The following DNAH10 variants were observed in gnomAD, a reference collection of about 807,000 sequenced individuals.
The protein encoded by DNAH10 is dynein axonemal heavy chain 10, also known as axonemal beta dynein heavy chain 10.
Under a neutral mutation model 506.6 loss-of-function variants are expected in DNAH10, and 348 were observed. The observed-to-expected ratio is 0.69, with a 90% CI of 0.63 to 0.75. The LOEUF is 0.75. Ranked by LOEUF, DNAH10 falls within the 30% of genes least tolerant of loss-of-function variation. The pLI is 0.00. For synonymous variants in DNAH10, 2,059 were observed against 2,198.6 expected (o/e 0.94, Z 1.78); for missense variants, 5,179 against 5,787.1 (o/e 0.89, Z 3.41).
rs142140309 is a variant in DNAH10 at position 123,765,564 on chromosome 12, TTATCTATCTATC to T, written c.215-2018_215-2007del. On this transcript the variant is annotated intron_variant, in intron 1 of 78. Coordinates refer to ENST00000673944, the MANE Select transcript of DNAH10 (RefSeq NM_001372106.1). ...ACCTTCCTATGCATCTATCTATACTTTATCTATCTATCTATCTATCTATCTATCTATCTATAC... is the reference window on the plus strand; with the variant it reads ...ACCTTCCTATGCATCTATCTATACTTTATCTATCTATCTATCTATCTATAC... 6.6e-3 allele frequency among the ~76,000 whole-genome samples: 987 copies of T among 149,404 alleles called. 11 individuals are homozygous for T. The highest frequency in any genetic ancestry group is 0.022 in the African/African-American group (882 of 40,336).
intron 53 of DNAH10, among the ~76,000 whole-genome samples, chr12:123,894,235 C>T (rs1191652647): frequency 1.3e-5 from 2 of 151,378 alleles, no homozygotes; most frequent in East Asian, 1.9e-4. Flanking sequence ...GGACTATAGG[C>T]GCACACCACC....
chr12:123,854,069 G>GTTTTTT (rs10648649), intron 36 of DNAH10, among the ~76,000 whole-genome samples: 6 of 117,034 alleles, frequency 5.1e-5, no homozygotes, highest in Non-Finnish European at 6.8e-5. Context: ...ACACATTTGG[G>GTTTTTT]TTTTTTTTTT....
In DNAH10 at chr12:123,930,514, TC is replaced by T. The variant is rs757393446; in HGVS notation, c.12727del (p.Arg4243GlyfsTer83). 4 of 1,610,110 alleles carry T rather than the reference TC, an allele frequency of 2.5e-6. No homozygotes were observed. In the African/African-American group the frequency reaches 5.4e-5, roughly 22 times the overall value. On this transcript the variant is annotated frameshift_variant, in exon 73 of 79. Transcript: ENST00000673944. LOFTEE classifies it high-confidence loss of function. Reference protein sequence around the residue: ...IFDTFQPFHFFRNKEVDYKIP... With the variant: ...IFDTFQPFHFXRNKEVDYKIP... ...GATACTTTCCAGCCATTCCACTTCTTCCGGAACAAGGAAGTGGACTACAAAA... is the reference window on the plus strand; with the variant it reads ...GATACTTTCCAGCCATTCCACTTCTTCGGAACAAGGAAGTGGACTACAAAA...
Position 123,935,359 on chromosome 12 carries a change from A to C in DNAH10, c.13648A>C (p.Thr4550Pro). The change falls in exon 79 of 79, where the codon ACC becomes CCC. Residue 4550 changes from threonine to proline, a missense_variant. Thr to Pro is a conservative substitution (Grantham distance 38, BLOSUM62 -1). Coordinates refer to ENST00000673944, the MANE Select transcript of DNAH10 (RefSeq NM_001372106.1). Reference protein sequence around the residue: ...LQNTFRTPVYTTSMRRNAMGV... With the variant: ...LQNTFRTPVYPTSMRRNAMGV... ...GAATACTTTCCGGACCCCCGTCTAC[A>C]CCACCTCCATGAGAAGGAACGCCAT... 4 of 1,609,008 alleles carry C rather than the reference A, an allele frequency of 2.5e-6. No homozygotes were observed. The highest frequency in any genetic ancestry group is 3.4e-6 in the Non-Finnish European group (4 of 1,175,682).
In DNAH10 at chr12:123,915,016, C is replaced by T; in HGVS notation, c.10722+17C>T. ...AATCTGCGGGTATGGTGGCTCCTCC[C>T]AGGGCGTCTTCTGCCCCCTATTCCT... On this transcript the variant is annotated intron_variant, in intron 62 of 78. Transcript: ENST00000673944. 6.3e-7 allele frequency: 1 copy of T among 1,593,382 alleles called. No individual in the cohort carries two copies. Among genetic ancestry groups the T allele is most frequent in the Non-Finnish European group, 8.5e-7 (1 of 1,170,212 alleles).
At chr12:123,805,483 G>A (rs1339267869) in intron 18 of DNAH10, among the ~76,000 whole-genome samples, 1 of 152,180 alleles carries the variant, frequency 6.6e-6, no homozygotes, top group Admixed American at 6.5e-5. Context: ...GCCAGACTCT[G>A]TCCCTTCCCT....
chr12:123,813,456 A>G lies in DNAH10; in HGVS notation c.3437A>G (p.Tyr1146Cys), dbSNP rs1565937120. The G allele has an allele frequency of 1.9e-6, 3 of 1,614,244 alleles. No individual in the cohort carries two copies. The highest frequency in any genetic ancestry group is 1.7e-6 in the Non-Finnish European group (2 of 1,180,048). ...GCATATGATGAAAAGTTGCAGTTCT[A>G]TTCCAAGATAGCTTATGAGGTTATG... ...CVAYDEKLQF[Y>C]SKIAYEVMRH... Residue 1146 changes from tyrosine (Y) to cysteine (C), a missense_variant, in exon 20 of 79, where the codon TAT becomes TGT. Around this residue, in one of 3 missense-constraint regions of DNAH10, gnomAD observed 4,844 missense variants for 5,430.5 expected, o/e 0.89. Coordinates refer to ENST00000673944, the MANE Select transcript of DNAH10 (RefSeq NM_001372106.1).
In DNAH10 at chr12:123,913,861, C is replaced by T. The variant is rs775150192; in HGVS notation, c.10353-468C>T. Among the ~76,000 whole-genome samples, 8 of 152,140 alleles carry T rather than the reference C, an allele frequency of 5.3e-5. No individual in the cohort carries two copies. The highest frequency in any genetic ancestry group is 2.1e-4 in the South Asian group (1 of 4,820). On this transcript the variant is annotated intron_variant, in intron 60 of 78. Transcript: ENST00000673944. This position sits in a 1 kb window ranked among gnomAD's most constrained non-coding sequence, Gnocchi z 5.1. Reference sequence around the variant, plus strand: ...AGAAAACACTGAAAAATGTTGTTTGCGTGTGGGAAACAATTTTCAGTATTT... The same window carrying T: ...AGAAAACACTGAAAAATGTTGTTTGTGTGTGGGAAACAATTTTCAGTATTT...
chr12:123,803,343 G>C (rs1485399798), intron 16 of DNAH10, among the ~76,000 whole-genome samples: 1 of 152,198 alleles, frequency 6.6e-6, no homozygotes, highest in Non-Finnish European at 1.5e-5. Context: ...GTGGTGCAGA[G>C]TGGAGGTTCA....
At chr12:123,888,257 G>A (rs1952827158) in intron 52 of DNAH10, among the ~76,000 whole-genome samples, 2 of 152,234 alleles carry the variant, frequency 1.3e-5, no homozygotes, top group South Asian at 2.1e-4. Flanking sequence ...AACCTAATAG[G>A]GAAGGTACCA....
chr12:123,794,112 G>A lies in DNAH10; in HGVS notation c.1986G>A (p.Glu662=). The change falls in exon 12 of 79, where the codon GAG becomes GAA. Residue 662 remains glutamate, a splice_region_variant and synonymous_variant. Coordinates refer to ENST00000673944, the MANE Select transcript of DNAH10 (RefSeq NM_001372106.1). Reference sequence around the variant, plus strand: ...ATATTCTTGCACAGTACTGTAAAGAGGTAATTGAAAAATCGATAGCTGCCA... The same window carrying A: ...ATATTCTTGCACAGTACTGTAAAGAAGTAATTGAAAAATCGATAGCTGCCA... ...FNDILAQYCK[E]IDIINKIFVQ... 1.7e-6 allele frequency: 2 copies of A among 1,180,496 alleles called. No individual in the cohort carries two copies. Among genetic ancestry groups the A allele is most frequent in the South Asian group, 1.6e-5 (1 of 62,546 alleles). The allele number at this position is 1,180,496 out of a possible 1,614,324, so 73.1% of individuals were successfully genotyped here.
rs562776418 is a variant in DNAH10, at chr12:123,793,799, C to G, written c.1816-143C>G. The G allele has an allele frequency of 1.2e-4, 69 of 558,774 alleles. 1 individual carries two copies. In the African/African-American group the frequency reaches 1.3e-3, roughly 11 times the overall value. 34.6% of individuals were successfully genotyped at this position (558,774 alleles called of 1,614,324 possible). On this transcript the variant is annotated intron_variant, in intron 11 of 78. Coordinates refer to ENST00000673944, the MANE Select transcript of DNAH10 (RefSeq NM_001372106.1). ...GGAAATCAACATAGCCAATCTCCCA[C>G]TTTAAATTGGATACCAGTTTCCATT...
intron 57 of DNAH10, chr12:123,908,683 G>T: frequency 2.5e-6 from 1 of 407,924 alleles, no homozygotes; most frequent in Non-Finnish European, 4.9e-6. Flanking sequence ...GAGGAGCAGA[G>T]TGATGATCTA....
intron 74 of DNAH10, 56 bp from the exon 75 acceptor site, chr12:123,931,580 G>A (rs912830575): frequency 2.7e-5 from 44 of 1,608,258 alleles, no homozygotes; most frequent in Non-Finnish European, 3.1e-5. Flanking sequence ...AGGCTCAGGA[G>A]GCTCCGGTTC....
intron 54 of DNAH10, 83 bp from the exon 55 acceptor site, chr12:123,897,687 T>A: frequency 6.8e-7 from 1 of 1,462,884 alleles, no homozygotes; most frequent in Non-Finnish European, 9.3e-7. Context: ...ATCACGCCAC[T>A]GCACTCCAGC....
At chr12:123,840,396 T>G (rs1263204223) in intron 29 of DNAH10, among the ~76,000 whole-genome samples, 1 of 20,094 alleles carries the variant, frequency 5.0e-5, no homozygotes, top group Non-Finnish European at 1.0e-4. Context: ...TGTTTCCAGT[T>G]TTTTTTTTTT....
Position 123,870,351 on chromosome 12 carries a change from C to T in DNAH10, c.7520-15C>T, listed in dbSNP as rs1485467890. The stretch of plus-strand genomic sequence containing the variant: ...TGTTTATGATTCAAGTGAAATCAAC[C>T]ATGATTTCCTGCAGGTCAACTTCCA... On this transcript the variant is annotated splice_polypyrimidine_tract_variant and intron_variant, in intron 43 of 78. Transcript: ENST00000673944. 2 of 1,609,736 alleles carry T rather than the reference C, an allele frequency of 1.2e-6. No individual in the cohort carries two copies. The highest frequency in any genetic ancestry group is 1.7e-6 in the Non-Finnish European group (2 of 1,178,126).
At chr12:123,774,495 C>T (rs1317613393) in intron 5 of DNAH10, among the ~76,000 whole-genome samples, 1 of 152,170 alleles carries the variant, frequency 6.6e-6, no homozygotes, top group Non-Finnish European at 1.5e-5. Context: ...GTCTCACAGC[C>T]TTCAGAGCTG....
Position 123,909,073 on chromosome 12 carries a change from G to A in DNAH10, c.9816-188G>A, listed in dbSNP as rs1029602539. 2.6e-5 allele frequency among the ~76,000 whole-genome samples: 4 copies of A among 152,196 alleles called. No homozygotes were observed. The highest frequency in any genetic ancestry group is 5.9e-5 in the Non-Finnish European group (4 of 68,042). ...GGTCTGGAACCTGAGAGGGGGACCC[G>A]GCCCTGCCCTTAGGGACGCTCCCGC... On this transcript the variant is annotated intron_variant, in intron 57 of 78. Transcript: ENST00000673944. This position sits in a 1 kb window ranked among gnomAD's most constrained non-coding sequence, Gnocchi z 5.4.
Sources: gnomAD v4.1 joint callset for allele counts (sites outside exome capture counted in the v4.1 genomes callset) on GRCh38, gnomAD v4.1.1 for gene constraint, gnomAD v4.1.1 regional missense constraint, Gnocchi (gnomAD v3.1) non-coding constraint, MANE v1.5 for transcripts, NCBI Gene and HGNC (gene_info 2026-07-23, HGNC 2026-07-21) for gene names.